The following STX6 variants were observed in gnomAD, a reference collection of about 807,000 sequenced individuals.
STX6 encodes syntaxin 6.
In STX6, 23 loss-of-function variants were observed where a neutral mutation model predicts 38.0. That is an observed-to-expected ratio of 0.60 (90% confidence interval 0.43 to 0.86). The LOEUF is 0.86. Ranked by LOEUF, STX6 falls within the 40% of genes least tolerant of loss-of-function variation. The pLI, the probability that STX6 is intolerant of heterozygous loss-of-function variation, is 0.00. For missense variants in STX6, 274 were observed against 312.9 expected, an observed-to-expected ratio of 0.88 and a Z score of 0.94; for synonymous variants, 123 against 107.5, an observed-to-expected ratio of 1.14 and a Z score of -0.89.
Position 181,022,716 on chromosome 1 carries a change from G to C in STX6, c.-43C>G, listed in dbSNP as rs892066160. 6.3e-7 allele frequency: 1 copy of C among 1,578,362 alleles called. No individual in the cohort carries two copies. Among genetic ancestry groups the C allele is most frequent in the Non-Finnish European group, 8.6e-7 (1 of 1,163,918 alleles). ...CGCCTTCACCTCCTCCGCGCACAGG[G>C]CGCCCGTGCCTCCCGGTCTCCCTCC... On this transcript the variant is annotated 5_prime_UTR_variant, in exon 1 of 8. Transcript: ENST00000258301.
chr1:181,012,471 C>G (rs1656429054), intron 1 of STX6, among the ~76,000 whole-genome samples: 2 of 152,134 alleles, frequency 1.3e-5, no homozygotes, highest in South Asian at 4.1e-4. Flanking sequence ...AACCTGTCAT[C>G]TTCTCAAGGA....
intron 1 of STX6, among the ~76,000 whole-genome samples, chr1:181,012,159 T>C (rs1002568322): frequency 6.6e-6 from 1 of 152,172 alleles, no homozygotes; most frequent in East Asian, 1.9e-4. Context: ...TAAATAACAA[T>C]CTGCTCACCC....
At chr1:181,004,322 T>A (rs932201748) in intron 2 of STX6, among the ~76,000 whole-genome samples, 1 of 152,208 alleles carries the variant, frequency 6.6e-6, no homozygotes, top group Non-Finnish European at 1.5e-5. Flanking sequence ...AATGGGATAA[T>A]TGATGGCTGG....
At chr1:180,978,419 G>C (rs1655312273) in intron 7 of STX6, among the ~76,000 whole-genome samples, 1 of 152,186 alleles carries the variant, frequency 6.6e-6, no homozygotes, top group South Asian at 2.1e-4. Flanking sequence ...GTCGCTGAAG[G>C]CTCAGTGTGG....
At chr1:181,019,352 G>GGAA (rs1656660108) in intron 1 of STX6, among the ~76,000 whole-genome samples, 1 of 137,788 alleles carries the variant, frequency 7.3e-6, no homozygotes, top group Non-Finnish European at 1.6e-5. Flanking sequence ...GAAATACAGA[G>GGAA]GAAAAAAAAA....
rs900959375 is a variant in STX6 at position 181,010,058 on chromosome 1, C to T, written c.36-4595G>A. Among the ~76,000 whole-genome samples, 3 of 152,164 alleles carry T rather than the reference C, an allele frequency of 2.0e-5. No individual in the cohort carries two copies. In the South Asian group the frequency reaches 6.2e-4, roughly 32 times the overall value. ...AGAACAGAAAACAGTTCAGTGTTTGCCAGGTGCTCGACATGGGGGAAGGAC... is the reference window on the plus strand; with the variant it reads ...AGAACAGAAAACAGTTCAGTGTTTGTCAGGTGCTCGACATGGGGGAAGGAC... On this transcript the variant is annotated intron_variant, in intron 1 of 7. Coordinates refer to ENST00000258301, the MANE Select transcript of STX6 (RefSeq NM_005819.6).
chr1:180,984,487 T>C (rs1194329364), intron 7 of STX6, among the ~76,000 whole-genome samples, 190 bp downstream of exon 7: 2 of 152,042 alleles, frequency 1.3e-5, no homozygotes, highest in Non-Finnish European at 2.9e-5. Context: ...CAGTGGAGGT[T>C]GCAGTTAGCT....
At chr1:181,010,888 G>A (rs1656374509) in intron 1 of STX6, among the ~76,000 whole-genome samples, 1 of 152,224 alleles carries the variant, frequency 6.6e-6, no homozygotes, top group South Asian at 2.1e-4. Flanking sequence ...TACAGGCCAT[G>A]CTTTCAGAAC....
intron 6 of STX6, among the ~76,000 whole-genome samples, chr1:180,987,504 G>A (rs1042170700): frequency 2.6e-4 from 39 of 152,180 alleles, no homozygotes; most frequent in South Asian, 1.9e-3. Context: ...CAGAAGGCCC[G>A]GTGTAGAACA....
intron 7 of STX6, among the ~76,000 whole-genome samples, chr1:180,984,343 C>T (rs371664580): frequency 2.0e-5 from 3 of 152,064 alleles, no homozygotes; most frequent in East Asian, 3.9e-4. Flanking sequence ...GTCAGGAGTT[C>T]GAGACTAGCC....
intron 7 of STX6, among the ~76,000 whole-genome samples, chr1:180,978,390 C>T (rs1350099305): frequency 6.6e-6 from 1 of 152,180 alleles, no homozygotes; most frequent in African/African-American, 2.4e-5. Context: ...GGTAGGAAAA[C>T]CTTAGCTTTA....
rs193216477 is a variant in STX6 at position 180,984,226 on chromosome 1, C to T, written c.691+451G>A. Reference sequence around the variant, plus strand: ...AGTCTTCCATTCTCTGATTCTAAGGCATCACAAAAAAAAAAAATGTGCCAT... The same window carrying T: ...AGTCTTCCATTCTCTGATTCTAAGGTATCACAAAAAAAAAAAATGTGCCAT... On this transcript the variant is annotated intron_variant, in intron 7 of 7. Transcript: ENST00000258301. 4.7e-5 allele frequency among the ~76,000 whole-genome samples: 7 copies of T among 149,878 alleles called. No homozygotes were observed. The East Asian group carries it at 8.0e-4, about 17-fold the overall frequency.
intron 1 of STX6, among the ~76,000 whole-genome samples, chr1:181,014,211 T>A (rs1044264815): frequency 1.3e-5 from 2 of 151,886 alleles, no homozygotes; most frequent in Non-Finnish European, 2.9e-5. Flanking sequence ...GCCTGGCCAA[T>A]ACAGTCAAAC....
chr1:181,018,659 T>A (rs990165889), intron 1 of STX6, among the ~76,000 whole-genome samples: 1 of 152,150 alleles, frequency 6.6e-6, no homozygotes, highest in African/African-American at 2.4e-5. Flanking sequence ...GAACAGGACA[T>A]TGACAATGTC....
chr1:180,995,571 C>G (rs1170220069), intron 3 of STX6, among the ~76,000 whole-genome samples: 1 of 152,194 alleles, frequency 6.6e-6, no homozygotes, highest in Non-Finnish European at 1.5e-5. Context: ...TAAAAATATA[C>G]TCAGCTGGGC....
chr1:180,997,638 A>G (rs529162281), intron 3 of STX6, among the ~76,000 whole-genome samples: 1 of 152,234 alleles, frequency 6.6e-6, no homozygotes, highest in South Asian at 2.1e-4. Flanking sequence ...CAGGTTAAAT[A>G]AAATATATTA....
chr1:181,009,504 A>C (rs564846841), intron 1 of STX6, among the ~76,000 whole-genome samples: 1 of 151,564 alleles, frequency 6.6e-6, no homozygotes, highest in South Asian at 2.1e-4. Flanking sequence ...AGATTTGACC[A>C]GTCACTTCAC....
chr1:181,017,290 G>C (rs1258618540), intron 1 of STX6, among the ~76,000 whole-genome samples: 2 of 151,508 alleles, frequency 1.3e-5, no homozygotes, highest in Non-Finnish European at 2.9e-5. Context: ...CTACTCAGGA[G>C]GCTGAGGCAG....
At chr1:181,002,324 ATT>A (rs886165329) in intron 3 of STX6, among the ~76,000 whole-genome samples, 1 of 147,610 alleles carries the variant, frequency 6.8e-6, no homozygotes, top group African/African-American at 2.5e-5. Flanking sequence ...TAATTTTTAT[ATT>A]TTTTTTTTGT....
Sources: gnomAD v4.1 joint callset for allele counts (sites outside exome capture counted in the v4.1 genomes callset) on GRCh38, gnomAD v4.1.1 for gene constraint, MANE v1.5 for transcripts, NCBI Gene and HGNC (gene_info 2026-07-23, HGNC 2026-07-21) for gene names.